UTP6: variants seen among roughly 807,000 people sequenced by gnomAD.
UTP6 encodes UTP6 small subunit processome component, also known as U3 small nucleolar RNA-associated protein 6 homolog.
Under a neutral mutation model 96.5 loss-of-function variants are expected in UTP6, and 60 were observed. The observed-to-expected ratio is 0.62, with a 90% CI of 0.51 to 0.77. The LOEUF is 0.77. UTP6 is among the 30% of genes least tolerant of loss of function. UTP6 has a pLI of 0.00. For missense variants in UTP6, 637 were observed against 706.5 expected, an observed-to-expected ratio of 0.90 and a Z score of 1.12; for synonymous variants, 215 against 240.1, an observed-to-expected ratio of 0.90 and a Z score of 0.96.
chr17:31,900,520 G>A (rs1028572832), intron 1 of UTP6, among the ~76,000 whole-genome samples: 3 of 152,084 alleles, frequency 2.0e-5, no homozygotes, highest in African/African-American at 7.2e-5. Flanking sequence ...TCGAACTCCT[G>A]ACCTCGTGAT....
At chr17:31,882,423 C>A (rs938515074) in intron 10 of UTP6, among the ~76,000 whole-genome samples, 2 of 151,802 alleles carry the variant, frequency 1.3e-5, no homozygotes, top group Admixed American at 6.6e-5. Flanking sequence ...CAGGTTCAAG[C>A]GATTCTCCTG....
chr17:31,863,187 T>G lies in UTP6; in HGVS notation c.*172A>C, dbSNP rs1909621928. Reference sequence around the variant, plus strand: ...AAGACCCAGTCTCAATCATAAAAATTTTTTAATTTTTAAAAAGATTTAACA... The same window carrying G: ...AAGACCCAGTCTCAATCATAAAAATGTTTTAATTTTTAAAAAGATTTAACA... On this transcript the variant is annotated 3_prime_UTR_variant, in exon 19 of 19. Coordinates refer to ENST00000261708, the MANE Select transcript of UTP6 (RefSeq NM_018428.3). 2 of 705,568 alleles carry G rather than the reference T, an allele frequency of 2.8e-6. No individual in the cohort carries two copies. Among genetic ancestry groups the G allele is most frequent in the East Asian group, 2.8e-5 (1 of 35,820 alleles). The allele number at this position is 705,568 out of a possible 1,614,324, so 43.7% of individuals were successfully genotyped here.
In UTP6 at chr17:31,863,192, A is replaced by T; in HGVS notation, c.*167T>A. 1.3e-6 allele frequency: 1 copy of T among 758,562 alleles called. No individual in the cohort carries two copies. Among genetic ancestry groups the T allele is most frequent in the Non-Finnish European group, 2.1e-6 (1 of 480,436 alleles). The allele number at this position is 758,562 out of a possible 1,614,324, so 47.0% of individuals were successfully genotyped here. On this transcript the variant is annotated 3_prime_UTR_variant, in exon 19 of 19. Coordinates refer to ENST00000261708, the MANE Select transcript of UTP6 (RefSeq NM_018428.3). ...CCAGTCTCAATCATAAAAATTTTTTAATTTTTAAAAAGATTTAACAAGTTA... is the reference window on the plus strand; with the variant it reads ...CCAGTCTCAATCATAAAAATTTTTTTATTTTTAAAAAGATTTAACAAGTTA...
At chr17:31,869,363 T>C (rs1910025587) in intron 16 of UTP6, among the ~76,000 whole-genome samples, 1 of 152,136 alleles carries the variant, frequency 6.6e-6, no homozygotes, top group Non-Finnish European at 1.5e-5. Context: ...AGAAAGGGTC[T>C]CGCTATGTTG....
intron 10 of UTP6, among the ~76,000 whole-genome samples, chr17:31,882,690 T>C (rs558019608): frequency 6.6e-6 from 1 of 152,250 alleles, no homozygotes; most frequent in East Asian, 1.9e-4. Context: ...CCTGAAGATA[T>C]CCAAACAACA....
At position 31,872,564 on chromosome 17, in the gene UTP6, C is replaced by T. The variant is rs530057712; in HGVS notation, c.1496+814G>A. The stretch of plus-strand genomic sequence containing the variant: ...GGTGGTACATGCCTGTAGACCCAGA[C>T]ATTTGGGAGGCTGAGGTGGGCGGAC... On this transcript the variant is annotated intron_variant, in intron 16 of 18. Transcript: ENST00000261708. Among the ~76,000 whole-genome samples, 13 of 151,374 alleles carry T rather than the reference C, an allele frequency of 8.6e-5. No individual in the cohort carries two copies. The South Asian group carries it at 2.3e-3, about 27-fold the overall frequency.
chr17:31,889,083 G>A (rs1296200043), intron 7 of UTP6, among the ~76,000 whole-genome samples: 1 of 150,842 alleles, frequency 6.6e-6, no homozygotes, highest in African/African-American at 2.5e-5. Context: ...AAAAAAAAGT[G>A]AAACCAGCCT....
In UTP6 at chr17:31,880,659, G is replaced by A. The variant is rs963904092; in HGVS notation, c.881C>T (p.Thr294Met). The change falls in exon 11 of 19, where the codon ACG becomes ATG. Residue 294 changes from threonine to methionine, a missense_variant. Coordinates refer to ENST00000261708, the MANE Select transcript of UTP6 (RefSeq NM_018428.3). Reference protein sequence around the residue: ...IESQTEEQPTTKQAKAVEVGR... With the variant: ...IESQTEEQPTMKQAKAVEVGR... ...GACCTCCACTGCTTTGGCTTGTTTC[G>A]TTGTAGGCTGCTCTTCTGTCTGTGA... The A allele has an allele frequency of 1.3e-5, 21 of 1,613,932 alleles. No individual in the cohort carries two copies. Among genetic ancestry groups the A allele is most frequent in the East Asian group, 4.5e-5 (2 of 44,886 alleles).
intron 17 of UTP6, among the ~76,000 whole-genome samples, chr17:31,866,070 A>T (rs1043777617): frequency 3.3e-5 from 5 of 151,732 alleles, no homozygotes; most frequent in Non-Finnish European, 7.4e-5. Context: ...GGTGGCTCAC[A>T]CGGTCAGGAG....
chr17:31,861,790 A>G lies in UTP6; in HGVS notation c.*1569T>C, dbSNP rs1461870845. 1 of 152,222 alleles carries G rather than the reference A, an allele frequency of 6.6e-6. No individual in the cohort carries two copies. The highest frequency in any genetic ancestry group is 1.5e-5 in the Non-Finnish European group (1 of 68,038). 9.4% of individuals were successfully genotyped at this position (152,222 alleles called of 1,614,324 possible). ...TGGTAAAAATAAAAGATATAATTAC[A>G]CCAGTACAGGTAAGGGTACTGACAC... On this transcript the variant is annotated 3_prime_UTR_variant, in exon 19 of 19. Transcript: ENST00000261708.
In UTP6 at chr17:31,901,612, G is replaced by C. The variant is rs765670263; in HGVS notation, c.16C>G (p.Gln6Glu). The C allele has an allele frequency of 1.2e-6, 2 of 1,613,832 alleles. No individual in the cohort carries two copies. Among genetic ancestry groups the C allele is most frequent in the South Asian group, 1.1e-5 (1 of 91,072 alleles). Residue 6 changes from glutamine (Q) to glutamate (E), a missense_variant, in exon 1 of 19, where the codon CAG becomes GAG. Gln to Glu is a conservative substitution (Grantham distance 29, BLOSUM62 2). Coordinates refer to ENST00000261708, the MANE Select transcript of UTP6 (RefSeq NM_018428.3). Reference sequence around the variant, plus strand: ...GGGAGCCGATCTTCTATGCGTTCCTGAATTATCTCTGCCATGAGGTCCGAG... The same window carrying C: ...GGGAGCCGATCTTCTATGCGTTCCTCAATTATCTCTGCCATGAGGTCCGAG... MAEII[Q>E]ERIEDRLPEL...
chr17:31,863,863 G>A (rs759356630), intron 18 of UTP6, among the ~76,000 whole-genome samples: 7 of 151,916 alleles, frequency 4.6e-5, no homozygotes, highest in Non-Finnish European at 8.8e-5. Context: ...ACCATATTAG[G>A]CTAATTTTTT....
intron 16 of UTP6, 65 bp downstream of exon 16, chr17:31,873,313 T>C: frequency 6.9e-7 from 1 of 1,443,780 alleles, no homozygotes; most frequent in Non-Finnish European, 9.6e-7. Flanking sequence ...ATTCAAATAA[T>C]CTGGGTATGA....
At chr17:31,898,835 G>A (rs914768643) in intron 2 of UTP6, among the ~76,000 whole-genome samples, 3 of 152,188 alleles carry the variant, frequency 2.0e-5, no homozygotes, top group South Asian at 4.1e-4. Context: ...GAGGCCAGGA[G>A]TTCGAGACCA....
At position 31,862,892 on chromosome 17, in the gene UTP6, A is replaced by T. The variant is rs994639941; in HGVS notation, c.*467T>A. On this transcript the variant is annotated 3_prime_UTR_variant, in exon 19 of 19. Transcript: ENST00000261708. ...CCTGGCCACTTTCTCCTTCATTTTA[A>T]CTGGCTCTTAGGTCGAGATTAGAGA... is the stretch of plus-strand genomic sequence containing the variant. The T allele has an allele frequency of 1.3e-5, 2 of 154,298 alleles. No individual in the cohort carries two copies. The highest frequency in any genetic ancestry group is 3.8e-4 in the East Asian group (2 of 5,244). 9.6% of individuals were successfully genotyped at this position (154,298 alleles called of 1,614,324 possible).
chr17:31,892,242 A>G lies in UTP6; in HGVS notation c.424+18T>C. 6.2e-7 allele frequency: 1 copy of G among 1,613,264 alleles called. No individual in the cohort carries two copies. The highest frequency in any genetic ancestry group is 1.3e-5 in the African/African-American group (1 of 75,038). The stretch of plus-strand genomic sequence containing the variant: ...GTCTAAATAAAACATAGAAAAATTG[A>G]CAAAGATTTCACCATACCTGGTTTG... On this transcript the variant is annotated intron_variant, in intron 6 of 18. Transcript: ENST00000261708.
chr17:31,875,957 G>A (rs1910478058), intron 13 of UTP6, among the ~76,000 whole-genome samples: 1 of 152,070 alleles, frequency 6.6e-6, no homozygotes, highest in South Asian at 2.1e-4. Context: ...CTACCCATGA[G>A]GGTTATCCAA....
intron 11 of UTP6, 54 bp from the exon 12 acceptor site, chr17:31,878,835 A>C: frequency 6.6e-7 from 1 of 1,505,008 alleles, no homozygotes; most frequent in Non-Finnish European, 9.2e-7. Context: ...AACATTCATC[A>C]CATCAAAGTT....
intron 16 of UTP6, among the ~76,000 whole-genome samples, chr17:31,870,247 C>T (rs1469967196): frequency 1.3e-5 from 2 of 152,054 alleles, no homozygotes; most frequent in Non-Finnish European, 2.9e-5. Flanking sequence ...CAGAAATCTC[C>T]AGCTGATTTC....
Sources: allele counts gnomAD v4.1 joint callset (sites outside exome capture counted in the v4.1 genomes callset), GRCh38; gene constraint gnomAD v4.1.1; transcripts MANE v1.5; gene names NCBI Gene and HGNC (gene_info 2026-07-23, HGNC 2026-07-21).